Variants in CACNA1D observed in about 807,000 individuals in gnomAD.
CACNA1D encodes the protein voltage-dependent L-type calcium channel subunit alpha-1D.
Under a neutral mutation model 257.1 loss-of-function variants are expected in CACNA1D, and 55 were observed. That is an observed-to-expected ratio of 0.21 (90% confidence interval 0.17 to 0.27). CACNA1D has a LOEUF of 0.27. Among genes scored for constraint, CACNA1D ranks in the 10% least tolerant of loss-of-function variants. The pLI, the probability that CACNA1D is intolerant of heterozygous loss-of-function variation, is 1.00. For synonymous variants in CACNA1D, 980 were observed against 1,014.9 expected (o/e 0.97, Z 0.65); for missense variants, 1,876 against 2,784.0 (o/e 0.67, Z 7.34).
At chr3:53,540,285 A>AT (rs111314846) in intron 3 of CACNA1D, among the ~76,000 whole-genome samples, 241 of 140,842 alleles carry the variant, frequency 1.7e-3, no homozygotes, top group Middle Eastern at 3.8e-3. Flanking sequence ...TGCCCGGCTA[A>AT]TTTTTTTTTT....
chr3:53,551,903 C>G (rs377496963), intron 3 of CACNA1D, among the ~76,000 whole-genome samples: 2 of 152,178 alleles, frequency 1.3e-5, no homozygotes, highest in African/African-American at 4.8e-5. Flanking sequence ...TGGGGAAATT[C>G]TCCCAGGCAC....
At chr3:53,594,599 G>C (rs955975689) in intron 3 of CACNA1D, among the ~76,000 whole-genome samples, 1 of 152,260 alleles carries the variant, frequency 6.6e-6, no homozygotes, top group Admixed American at 6.5e-5. Context: ...AGGGTGGTCA[G>C]GGAAGGCCAT....
chr3:53,612,410 G>A (rs1307364759), intron 3 of CACNA1D, among the ~76,000 whole-genome samples: 2 of 152,306 alleles, frequency 1.3e-5, no homozygotes, highest in South Asian at 2.1e-4. Context: ...TTGTTAGGGT[G>A]GGTTTAGGAT....
chr3:53,763,599 A>C (rs941298423), intron 30 of CACNA1D, among the ~76,000 whole-genome samples: 6 of 152,172 alleles, frequency 3.9e-5, no homozygotes, highest in Non-Finnish European at 5.9e-5. Context: ...TTTGCTCCAC[A>C]ATGTCCAGCC....
chr3:53,499,281 T>C (rs1246995564), intron 2 of CACNA1D, among the ~76,000 whole-genome samples: 1 of 152,158 alleles, frequency 6.6e-6, no homozygotes, highest in Non-Finnish European at 1.5e-5. Context: ...TGGGACAGTT[T>C]GTAAAATAGA....
chr3:53,732,179 G>A (rs572110750), intron 18 of CACNA1D, 97 bp downstream of exon 18: 78 of 932,776 alleles, frequency 8.4e-5, no homozygotes, highest in African/African-American at 1.8e-4. Flanking sequence ...GCCCAGCAGC[G>A]TGCACATGAG....
At chr3:53,763,960 C>A (rs1464702463) in intron 30 of CACNA1D, among the ~76,000 whole-genome samples, 1 of 152,142 alleles carries the variant, frequency 6.6e-6, no homozygotes, top group Non-Finnish European at 1.5e-5. Flanking sequence ...TAGGGAGATA[C>A]AAGTTTTGTA....
At chr3:53,766,433 A>C (rs2095332661) in intron 30 of CACNA1D, among the ~76,000 whole-genome samples, 1 of 152,234 alleles carries the variant, frequency 6.6e-6, no homozygotes, top group Non-Finnish European at 1.5e-5. Context: ...GCCTCGGGTT[A>C]CCTGGCCCAG....
intron 29 of CACNA1D, among the ~76,000 whole-genome samples, chr3:53,757,892 G>A (rs1293034260): frequency 6.6e-6 from 1 of 152,166 alleles, no homozygotes; most frequent in African/African-American, 2.4e-5. Flanking sequence ...GCATCCGTTG[G>A]GGGCCTACTA....
chr3:53,644,434 A>G lies in CACNA1D; in HGVS notation c.484-6345A>G, dbSNP rs940458304. Among the ~76,000 whole-genome samples, 3 of 152,162 alleles carry G rather than the reference A, an allele frequency of 2.0e-5. No homozygotes were observed. In the East Asian group the frequency reaches 5.8e-4, roughly 29 times the overall value. Reference sequence around the variant, plus strand: ...TGAACTTACTCTTTCTAGCTTTTGTATACTTTGAAATTTTTTATATGTTGA... The same window carrying G: ...TGAACTTACTCTTTCTAGCTTTTGTGTACTTTGAAATTTTTTATATGTTGA... On this transcript the variant is annotated intron_variant, in intron 3 of 47. Transcript: ENST00000350061.
chr3:53,770,090 T>A, intron 31 of CACNA1D, 73 bp downstream of exon 31: 1 of 1,211,930 alleles, frequency 8.3e-7, no homozygotes, highest in African/African-American at 1.5e-5. Context: ...AGTTTTCCAC[T>A]GGTTTTTCTG....
intron 3 of CACNA1D, among the ~76,000 whole-genome samples, chr3:53,545,671 C>A (rs1427715148): frequency 6.6e-6 from 1 of 152,150 alleles, no homozygotes; most frequent in East Asian, 1.9e-4. Context: ...TGCAGACTGA[C>A]CTCAAAATCC....
At chr3:53,772,502 C>T (rs1448827032) in intron 32 of CACNA1D, among the ~76,000 whole-genome samples, 1 of 152,202 alleles carries the variant, frequency 6.6e-6, no homozygotes, top group Non-Finnish European at 1.5e-5. Context: ...TATAATTTCA[C>T]CCCAAAAATC....
intron 3 of CACNA1D, among the ~76,000 whole-genome samples, chr3:53,504,351 A>G (rs541423806): frequency 2.4e-4 from 36 of 152,258 alleles, no homozygotes; most frequent in African/African-American, 8.7e-4. Flanking sequence ...CCAGTTACCT[A>G]GTAAAATTAT....
intron 8 of CACNA1D, among the ~76,000 whole-genome samples, chr3:53,687,469 T>C (rs2094483170): frequency 1.3e-5 from 2 of 152,068 alleles, no homozygotes; most frequent in Admixed American, 6.5e-5. Context: ...CAATTGCTTT[T>C]TGATAAAGGT....
At chr3:53,508,650 T>G (rs2090968094) in intron 3 of CACNA1D, among the ~76,000 whole-genome samples, 2 of 152,188 alleles carry the variant, frequency 1.3e-5, no homozygotes, top group Admixed American at 1.3e-4. Context: ...TGTAGCAGAT[T>G]GGTGGGTAGT....
Position 53,732,870 on chromosome 3 carries a change from C to G in CACNA1D, c.2529C>G (p.Pro843=). Residue 843 remains proline, a synonymous_variant, in exon 19 of 48, where the codon CCC becomes CCG. Coordinates refer to ENST00000350061, the MANE Select transcript of CACNA1D (RefSeq NM_001128840.3). ...ATGAACCTGAGGTTCCTGCCGGACC[C>G]CGTCCTCGAAGGATCTCGGAGTTGA... ...EEDEPEVPAG[P]RPRRISELNM... The G allele has an allele frequency of 6.2e-7, 1 of 1,613,774 alleles. No homozygotes were observed. The highest frequency in any genetic ancestry group is 8.5e-7 in the Non-Finnish European group (1 of 1,179,768).
intron 9 of CACNA1D, among the ~76,000 whole-genome samples, chr3:53,713,331 G>A (rs1322465858): frequency 6.6e-6 from 1 of 152,174 alleles, no homozygotes; most frequent in Admixed American, 6.5e-5. Context: ...TTGTCCCATT[G>A]TCACCTGATG....
At chr3:53,510,842 C>A (rs756821524) in intron 3 of CACNA1D, among the ~76,000 whole-genome samples, 23 of 152,152 alleles carry the variant, frequency 1.5e-4, no homozygotes, top group Non-Finnish European at 3.4e-4. Context: ...AACCTGAGCC[C>A]TAGATTTTAG....
Sources: allele counts gnomAD v4.1 joint callset (sites outside exome capture counted in the v4.1 genomes callset), GRCh38; gene constraint gnomAD v4.1.1; transcripts MANE v1.5; gene names NCBI Gene and HGNC (gene_info 2026-07-23, HGNC 2026-07-21).